DPP10: variants seen among roughly 807,000 people sequenced by gnomAD.
DPP10 encodes inactive dipeptidyl peptidase 10.
DPP10 carries 33 observed loss-of-function variants against 120.9 expected under a neutral mutation model. That is an observed-to-expected ratio of 0.27 (90% CI 0.21 to 0.37). DPP10 has a LOEUF of 0.37. Ranked by LOEUF, DPP10 falls within the 10% of genes least tolerant of loss-of-function variation. The probability of loss-of-function intolerance (pLI) is 1.00; values close to 1 mark genes in which losing one functional copy is unlikely to be tolerated. For synonymous variants in DPP10, 337 were observed against 326.1 expected, an observed-to-expected ratio of 1.03 and a Z score of -0.36; for missense variants, 816 against 942.8, an observed-to-expected ratio of 0.87 and a Z score of 1.76.
intron 1 of DPP10, among the ~76,000 whole-genome samples, chr2:114,705,109 C>T (rs1381527732): frequency 1.3e-5 from 2 of 152,252 alleles, no homozygotes; most frequent in East Asian, 1.9e-4. Flanking sequence ...GTAGCCTGAG[C>T]AGACTAGAAC....
chr2:114,783,145 T>C (rs1023099223), intron 1 of DPP10, among the ~76,000 whole-genome samples: 5 of 152,064 alleles, frequency 3.3e-5, no homozygotes, highest in African/African-American at 1.2e-4. Context: ...AAAAGCTAAA[T>C]TAAAGTATCT....
chr2:114,465,214 C>T lies in DPP10; in HGVS notation c.60+22376C>T, dbSNP rs77031335. ...CTCACCTATAAAATGAAGATAATAT[C>T]GTCCACGTGTCTTAGGTGCTATTAG... On this transcript the variant is annotated intron_variant, in intron 1 of 25. Transcript: ENST00000410059. Among the ~76,000 whole-genome samples the T allele has an allele frequency of 5.9e-5, 9 of 152,254 alleles. No individual in the cohort carries two copies. The East Asian group carries it at 9.7e-4, about 16-fold the overall frequency.
intron 1 of DPP10, among the ~76,000 whole-genome samples, chr2:114,969,842 G>A (rs1032479376): frequency 2.0e-5 from 3 of 152,150 alleles, no homozygotes; most frequent in African/African-American, 7.2e-5. Flanking sequence ...TTTCAATAGA[G>A]AAGAAAGCCC....
rs193286755 is a variant in DPP10, at chr2:115,569,324, A to C, written c.441+43352A>C. 5.9e-5 allele frequency among the ~76,000 whole-genome samples: 9 copies of C among 152,340 alleles called. No individual in the cohort carries two copies. In the East Asian group the frequency reaches 1.5e-3, roughly 26 times the overall value. On this transcript the variant is annotated intron_variant, in intron 5 of 25. Transcript: ENST00000410059. ...ACTGCATCCTAAGCTTTAAAAAGAC[A>C]AAAGTTTGTTGGCTAATGTATTAGG... is the stretch of plus-strand genomic sequence containing the variant.
intron 1 of DPP10, among the ~76,000 whole-genome samples, chr2:114,997,495 A>T (rs1310486042): frequency 3.4e-5 from 1 of 29,626 alleles, no homozygotes; most frequent in East Asian, 1.1e-3. Flanking sequence ...CGTCTCAAAA[A>T]AAAAGAAAAA....
intron 1 of DPP10, among the ~76,000 whole-genome samples, chr2:114,689,624 T>C: frequency 6.6e-6 from 1 of 152,082 alleles, no homozygotes; most frequent in East Asian, 1.9e-4. Flanking sequence ...GGTCAAATAG[T>C]ATTTCTGCCT....
chr2:114,908,002 T>G (rs1401347679), intron 1 of DPP10, among the ~76,000 whole-genome samples: 1 of 152,026 alleles, frequency 6.6e-6, no homozygotes, highest in Non-Finnish European at 1.5e-5. Flanking sequence ...GCATATATGT[T>G]TGTAATTGTT....
At chr2:114,480,822 C>T (rs147827216) in intron 1 of DPP10, among the ~76,000 whole-genome samples, 53 of 151,730 alleles carry the variant, frequency 3.5e-4, no homozygotes, top group African/African-American at 1.2e-3. Context: ...CAAACCTTCA[C>T]GTTGTGCACA....
chr2:115,214,036 T>C (rs1364081671), intron 1 of DPP10, among the ~76,000 whole-genome samples: 1 of 152,050 alleles, frequency 6.6e-6, no homozygotes, highest in African/African-American at 2.4e-5. Context: ...TAGACTTTGG[T>C]TTTGTAGATA....
chr2:114,662,568 T>A (rs1255799670), intron 1 of DPP10, among the ~76,000 whole-genome samples: 1 of 151,704 alleles, frequency 6.6e-6, no homozygotes, highest in African/African-American at 2.4e-5. Flanking sequence ...GAAAGACACT[T>A]CCGGTTCTCA....
In DPP10 at chr2:115,844,283, G is replaced by T. The variant is rs1048326952; in HGVS notation, c.*1938G>T. 2.6e-5 allele frequency: 4 copies of T among 152,472 alleles called. No homozygotes were observed. Among genetic ancestry groups the T allele is most frequent in the Non-Finnish European group, 5.9e-5 (4 of 67,980 alleles). The allele number at this position is 152,472 out of a possible 1,614,324, so 9.4% of individuals were successfully genotyped here. Reference sequence around the variant, plus strand: ...CACTAGAGTTTTTTATGATGCAAATGATTATGTTGTCTGAAAGGTGTGGTT... The same window carrying T: ...CACTAGAGTTTTTTATGATGCAAATTATTATGTTGTCTGAAAGGTGTGGTT... On this transcript the variant is annotated 3_prime_UTR_variant, in exon 26 of 26. Coordinates refer to ENST00000410059, the MANE Select transcript of DPP10 (RefSeq NM_020868.6).
In DPP10 at chr2:114,859,207, A is replaced by C. The variant is rs28380120; in HGVS notation, c.60+416369A>C. ...AAAGAACAAACAAACAAACAAAAAA[A>C]CCCCACAGAATTAGCCAGGAGTGGT... On this transcript the variant is annotated intron_variant, in intron 1 of 25. Transcript: ENST00000410059. Among the ~76,000 whole-genome samples the C allele has an allele frequency of 3.2e-3, 487 of 151,902 alleles. 1 individual carries two copies. Among genetic ancestry groups the C allele is most frequent in the African/African-American group, 0.011 (470 of 41,446 alleles).
chr2:115,318,591 A>G (rs1226048827), intron 2 of DPP10, among the ~76,000 whole-genome samples: 1 of 152,134 alleles, frequency 6.6e-6, no homozygotes, highest in African/African-American at 2.4e-5. Flanking sequence ...ATTTAAATAA[A>G]ACAAAAATCA....
chr2:115,719,248 A>G (rs374303144), intron 7 of DPP10, among the ~76,000 whole-genome samples: 44 of 152,342 alleles, frequency 2.9e-4, no homozygotes, highest in African/African-American at 1.0e-3. Flanking sequence ...AGTGACTTAC[A>G]TAATTATGAA....
At chr2:114,829,363 G>A (rs1686859713) in intron 1 of DPP10, among the ~76,000 whole-genome samples, 1 of 149,260 alleles carries the variant, frequency 6.7e-6, no homozygotes, top group African/African-American at 2.5e-5. Context: ...GGACACATAA[G>A]ACGTTTTTGT....
At chr2:115,816,710 A>G (rs1292176820) in intron 21 of DPP10, among the ~76,000 whole-genome samples, 4 of 146,380 alleles carry the variant, frequency 2.7e-5, no homozygotes, top group Non-Finnish European at 6.0e-5. Context: ...TCCACCTCCC[A>G]GGTTCAAGCG....
At chr2:115,335,322 TTAAC>T (rs2063057582) in intron 2 of DPP10, among the ~76,000 whole-genome samples, 1 of 151,890 alleles carries the variant, frequency 6.6e-6, no homozygotes, top group South Asian at 2.1e-4. Context: ...ACTATACAAA[TTAAC>T]TATTTAAATT....
At chr2:115,106,275 T>C (rs1559102178) in intron 1 of DPP10, among the ~76,000 whole-genome samples, 1 of 152,190 alleles carries the variant, frequency 6.6e-6, no homozygotes, top group Non-Finnish European at 1.5e-5. Flanking sequence ...TAACAGAATA[T>C]TTTTCCATTC....
chr2:115,342,232 CCT>C (rs2106250211), intron 2 of DPP10: 1 of 436,496 alleles, frequency 2.3e-6, no homozygotes, highest in African/African-American at 2.0e-5. Context: ...AAGGTCTCAC[CCT>C]GTCACCCAGG....
Sources: allele counts gnomAD v4.1 joint callset (sites outside exome capture counted in the v4.1 genomes callset), GRCh38; gene constraint gnomAD v4.1.1; transcripts MANE v1.5; gene names NCBI Gene and HGNC (gene_info 2026-07-23, HGNC 2026-07-21).